Variants in EIF3H observed in about 807,000 individuals in gnomAD.
EIF3H encodes eIF-3-gamma.
A neutral mutation model predicts 44.2 loss-of-function variants in EIF3H; 26 were observed. The observed-to-expected ratio is 0.59, with a 90% CI of 0.43 to 0.82. EIF3H has a LOEUF of 0.82. EIF3H is among the 40% of genes least tolerant of loss of function. The probability of loss-of-function intolerance (pLI) is 0.00; values close to 1 mark genes in which losing one functional copy is unlikely to be tolerated. For missense variants in EIF3H, 359 were observed against 432.8 expected, an observed-to-expected ratio of 0.83 and a Z score of 1.51; for synonymous variants, 166 against 151.9, an observed-to-expected ratio of 1.09 and a Z score of -0.68.
chr8:116,659,314 A>G (rs1813545661), intron 2 of EIF3H, among the ~76,000 whole-genome samples: 1 of 152,194 alleles, frequency 6.6e-6, no homozygotes, highest in African/African-American at 2.4e-5. Context: ...GTTTAAGAAA[A>G]ATTTGTGTAA....
chr8:116,717,232 G>A (rs1414686520), intron 2 of EIF3H, among the ~76,000 whole-genome samples: 1 of 152,062 alleles, frequency 6.6e-6, no homozygotes, highest in Non-Finnish European at 1.5e-5. Flanking sequence ...ACAAAACACT[G>A]CTCAAAGAAA....
intron 2 of EIF3H, among the ~76,000 whole-genome samples, chr8:116,693,481 T>A (rs939551313): frequency 3.9e-5 from 6 of 152,250 alleles, no homozygotes; most frequent in African/African-American, 1.4e-4. Context: ...CTGGGTGGCA[T>A]GCTAAGCTAA....
chr8:116,675,480 T>A (rs978286708), intron 2 of EIF3H, among the ~76,000 whole-genome samples: 1 of 152,228 alleles, frequency 6.6e-6, no homozygotes, highest in African/African-American at 2.4e-5. Context: ...ATGCCAGTAA[T>A]GAGCGCACAC....
chr8:116,722,603 TAA>T (rs1814768669), intron 2 of EIF3H, among the ~76,000 whole-genome samples: 1 of 152,236 alleles, frequency 6.6e-6, no homozygotes, highest in Non-Finnish European at 1.5e-5. Context: ...TATATTTTTT[TAA>T]ATTTCACACA....
chr8:116,746,549 A>C (rs1815238370), intron 1 of EIF3H, among the ~76,000 whole-genome samples: 1 of 152,224 alleles, frequency 6.6e-6, no homozygotes, highest in Non-Finnish European at 1.5e-5. Context: ...GGATGGCTAG[A>C]TGTGATCTGA....
chr8:116,762,782 A>G (rs1288354898), intron 1 of EIF3H, among the ~76,000 whole-genome samples: 3 of 152,142 alleles, frequency 2.0e-5, no homozygotes, highest in Non-Finnish European at 2.9e-5. Context: ...GTCCCTACTT[A>G]AATATACAAA....
upstream of EIF3H, among the ~76,000 whole-genome samples, chr8:116,759,793 G>A (rs377253001): frequency 6.6e-6 from 1 of 151,964 alleles, no homozygotes; most frequent in Admixed American, 6.6e-5. Context: ...GTAATGGCAC[G>A]ATCTCAGCTC....
intron 1 of EIF3H, among the ~76,000 whole-genome samples, chr8:116,731,850 C>T (rs1814954774): frequency 6.6e-6 from 1 of 152,176 alleles, no homozygotes; most frequent in East Asian, 1.9e-4. Flanking sequence ...CCTCAAGGGA[C>T]AGAAGCAAAC....
At chr8:116,750,511 G>C (rs1209161065) in intron 1 of EIF3H, among the ~76,000 whole-genome samples, 1 of 149,692 alleles carries the variant, frequency 6.7e-6, no homozygotes, top group Non-Finnish European at 1.5e-5. Flanking sequence ...CCCGGTTCAT[G>C]CCATTCCCCT....
At chr8:116,652,219 C>T (rs1813406190) in intron 5 of EIF3H, among the ~76,000 whole-genome samples, 1 of 152,162 alleles carries the variant, frequency 6.6e-6, no homozygotes, top group Non-Finnish European at 1.5e-5. Context: ...ATATTACATG[C>T]TGAAGAGTCT....
chr8:116,660,959 T>G (rs1044805339), intron 2 of EIF3H, among the ~76,000 whole-genome samples: 1 of 152,228 alleles, frequency 6.6e-6, no homozygotes, highest in Non-Finnish European at 1.5e-5. Flanking sequence ...AAAAGCAGTA[T>G]GAAATATGAT....
intron 2 of EIF3H, among the ~76,000 whole-genome samples, chr8:116,694,640 A>G (rs926029599): frequency 6.6e-6 from 1 of 152,238 alleles, no homozygotes; most frequent in Non-Finnish European, 1.5e-5. Flanking sequence ...TAGAAAGGTC[A>G]TATCTAGTCT....
intron 2 of EIF3H, among the ~76,000 whole-genome samples, chr8:116,670,140 T>A (rs1389575842): frequency 1.3e-5 from 2 of 152,224 alleles, no homozygotes; most frequent in Non-Finnish European, 2.9e-5. Context: ...TATAATCATA[T>A]GCATACGCAC....
At chr8:116,658,697 G>T in intron 3 of EIF3H, 116 bp downstream of exon 3, 1 of 954,848 alleles carries the variant, frequency 1.0e-6, no homozygotes, top group East Asian at 2.7e-5. Flanking sequence ...TGCAGAAACA[G>T]GGTTGGTATT....
chr8:116,721,745 G>C (rs1353844168), intron 2 of EIF3H, among the ~76,000 whole-genome samples: 4 of 152,248 alleles, frequency 2.6e-5, no homozygotes, highest in African/African-American at 7.2e-5. Flanking sequence ...TTTAAGATCT[G>C]ACTGCCCCAC....
At chr8:116,669,436 CA>C (rs1469674778) in intron 2 of EIF3H, among the ~76,000 whole-genome samples, 2 of 152,182 alleles carry the variant, frequency 1.3e-5, no homozygotes, top group Non-Finnish European at 2.9e-5. Context: ...CTGAGAAGAG[CA>C]GTGGGGATGG....
chr8:116,730,294 C>CA (rs1195219146), intron 1 of EIF3H, among the ~76,000 whole-genome samples: 1 of 152,218 alleles, frequency 6.6e-6, no homozygotes, highest in Non-Finnish European at 1.5e-5. Flanking sequence ...TGTCTCCTGT[C>CA]AGGTGACCAG....
intron 1 of EIF3H, among the ~76,000 whole-genome samples, chr8:116,739,173 G>A (rs1483708690): frequency 3.3e-5 from 5 of 152,198 alleles, no homozygotes; most frequent in Non-Finnish European, 4.4e-5. Flanking sequence ...CAGCATGAGC[G>A]ATCCGTGCCT....
chr8:116,691,127 A>G (rs558964386), intron 2 of EIF3H, among the ~76,000 whole-genome samples: 7 of 152,370 alleles, frequency 4.6e-5, no homozygotes, highest in East Asian at 1.9e-4. Context: ...GCAACTCCCA[A>G]TGAGAGCAAA....
Sources: allele counts gnomAD v4.1 joint callset (sites outside exome capture counted in the v4.1 genomes callset), GRCh38; gene constraint gnomAD v4.1.1; transcripts MANE v1.5; gene names NCBI Gene and HGNC (gene_info 2026-07-23, HGNC 2026-07-21).